The following EPAS1 variants were observed in gnomAD, a reference collection of about 807,000 sequenced individuals.
EPAS1 encodes the protein endothelial PAS domain protein 1.
In EPAS1, 23 loss-of-function variants were observed where a neutral mutation model predicts 87.9. The observed-to-expected ratio is 0.26, with a 90% confidence interval of 0.19 to 0.37. The LOEUF is 0.37. Among genes scored for constraint, EPAS1 ranks in the 10% least tolerant of loss-of-function variants. The probability of loss-of-function intolerance (pLI) is 1.00; values close to 1 mark genes in which losing one functional copy is unlikely to be tolerated. For missense variants in EPAS1, 1,138 were observed against 1,120.7 expected (o/e 1.02, Z -0.22); for synonymous variants, 508 against 444.3 (o/e 1.14, Z -1.80).
In EPAS1 at chr2:46,382,508, C is replaced by G; in HGVS notation, c.2371C>G (p.Pro791Ala). The change falls in exon 15 of 16, where the codon CCC becomes GCC. Residue 791 changes from proline (P) to alanine (A), a missense_variant. Physicochemically the swap from Pro to Ala is conservative, Grantham distance 27. Transcript: ENST00000263734. ...PLPQPPSAIS[P>A]GENSKSRFPP... ...GCCACAGCCTCCATCTGCCATCAGT[C>G]CCGGGGAGAACAGCAAGAGCAGGTT... 1 of 1,614,180 alleles carries G rather than the reference C, an allele frequency of 6.2e-7. No homozygotes were observed. Among genetic ancestry groups the G allele is most frequent in the African/African-American group, 1.3e-5 (1 of 75,056 alleles).
At chr2:46,333,398 T>C (rs1683726202) in intron 1 of EPAS1, among the ~76,000 whole-genome samples, 1 of 152,168 alleles carries the variant, frequency 6.6e-6, no homozygotes, top group African/African-American at 2.4e-5. Context: ...TAGCACAGAT[T>C]GTCTAAGTGT....
At chr2:46,320,584 T>G (rs371598937) in intron 1 of EPAS1, among the ~76,000 whole-genome samples, 1 of 152,220 alleles carries the variant, frequency 6.6e-6, no homozygotes, top group Non-Finnish European at 1.5e-5. Context: ...TTGAAGCCAC[T>G]GGGTGAACAC....
chr2:46,328,082 A>G (rs12613519), intron 1 of EPAS1, among the ~76,000 whole-genome samples: 75,256 of 152,104 alleles, frequency 0.49, 18,841 homozygotes, highest in East Asian at 0.67. Flanking sequence ...TGGTCCCCAG[A>G]GTCCATATGC....
chr2:46,382,607 G>A lies in EPAS1; in HGVS notation c.2461+9G>A, dbSNP rs1684925507. ...AGCCCACAAGGTGTCAGGTGGGTGT[G>A]CCCAGGATCTGTCACCCCCATCCCA... is the stretch of plus-strand genomic sequence containing the variant. On this transcript the variant is annotated intron_variant, in intron 15 of 15. Transcript: ENST00000263734. 3 of 1,614,016 alleles carry A rather than the reference G, an allele frequency of 1.9e-6. No individual in the cohort carries two copies. The highest frequency in any genetic ancestry group is 2.5e-6 in the Non-Finnish European group (3 of 1,180,020).
At position 46,384,555 on chromosome 2, in the gene EPAS1, G is replaced by A. The variant is rs367846993; in HGVS notation, c.2508G>A (p.Leu836=). ...GGCCCTCATTTGAGTCCTACCTGCT[G>A]CCCGAACTGACCAGATATGACTGTG... ...LLGPSFESYL[L]PELTRYDCEV... The change falls in exon 16 of 16, where the codon CTG becomes CTA. Residue 836 remains leucine (L), a synonymous_variant. Coordinates refer to ENST00000263734, the MANE Select transcript of EPAS1 (RefSeq NM_001430.5). 2.7e-5 allele frequency: 44 copies of A among 1,614,052 alleles called. No individual in the cohort carries two copies. In the Admixed American group the frequency reaches 7.2e-4, roughly 26 times the overall value.
At chr2:46,344,018 C>CTGATTATAA (rs1407032836) in intron 1 of EPAS1, among the ~76,000 whole-genome samples, 1 of 152,240 alleles carries the variant, frequency 6.6e-6, no homozygotes, top group Non-Finnish European at 1.5e-5. Flanking sequence ...TGACTATAAA[C>CTGATTATAA]CCTTAAATGG....
chr2:46,301,446 G>T (rs1175826015), intron 1 of EPAS1, among the ~76,000 whole-genome samples: 2 of 151,994 alleles, frequency 1.3e-5, no homozygotes, highest in African/African-American at 2.4e-5. Flanking sequence ...GCGTGGTGGT[G>T]GGTGCCTGTA....
At chr2:46,362,458 G>A (rs1396766800) in intron 6 of EPAS1, among the ~76,000 whole-genome samples, 2 of 152,146 alleles carry the variant, frequency 1.3e-5, no homozygotes, top group Non-Finnish European at 2.9e-5. Flanking sequence ...CACTTCTGAA[G>A]GCAGTTAGTG....
intron 1 of EPAS1, among the ~76,000 whole-genome samples, chr2:46,345,277 A>T (rs940888111): frequency 3.3e-5 from 5 of 151,484 alleles, no homozygotes; most frequent in Admixed American, 6.6e-5. Flanking sequence ...GATGCTTTTT[A>T]AAAAAATAAA....
chr2:46,377,454 G>T (rs7594278), intron 9 of EPAS1, among the ~76,000 whole-genome samples: 53,012 of 152,090 alleles, frequency 0.35, 10,989 homozygotes, highest in Non-Finnish European at 0.48. Context: ...CTTTTAGATG[G>T]GTTCTACAGC....
Position 46,329,356 on chromosome 2 carries a change from G to A in EPAS1, c.27-17517G>A, listed in dbSNP as rs182915914. 2.4e-4 allele frequency among the ~76,000 whole-genome samples: 36 copies of A among 152,246 alleles called. No individual in the cohort carries two copies. The East Asian group carries it at 6.6e-3, about 28-fold the overall frequency. On this transcript the variant is annotated intron_variant, in intron 1 of 15. Coordinates refer to ENST00000263734, the MANE Select transcript of EPAS1 (RefSeq NM_001430.5). Reference sequence around the variant, plus strand: ...TTGCAAGACAGGAGGGGAACGTGTAGGCTATCCTATTTATGGTAAGGGGAG... The same window carrying A: ...TTGCAAGACAGGAGGGGAACGTGTAAGCTATCCTATTTATGGTAAGGGGAG...
chr2:46,362,557 C>G (rs1462622672), intron 6 of EPAS1, among the ~76,000 whole-genome samples: 2 of 152,096 alleles, frequency 1.3e-5, no homozygotes, highest in Non-Finnish European at 2.9e-5. Flanking sequence ...CATGGAACCC[C>G]AGGAAAAAAA....
At position 46,328,310 on chromosome 2, in the gene EPAS1, C is replaced by T. The variant is rs1193830815; in HGVS notation, c.27-18563C>T. Among the ~76,000 whole-genome samples the T allele has an allele frequency of 2.6e-5, 4 of 152,284 alleles. No homozygotes were observed. The South Asian group carries it at 8.3e-4, about 32-fold the overall frequency. ...CGATGGCAGGTAAGACAGGTGGAGGCATTAAGTACTTCTGTCCCCATGACC... is the reference window on the plus strand; with the variant it reads ...CGATGGCAGGTAAGACAGGTGGAGGTATTAAGTACTTCTGTCCCCATGACC... On this transcript the variant is annotated intron_variant, in intron 1 of 15. Coordinates refer to ENST00000263734, the MANE Select transcript of EPAS1 (RefSeq NM_001430.5).
intron 9 of EPAS1, 41 bp from the exon 10 acceptor site, chr2:46,377,853 A>G (rs964945063): frequency 1.3e-6 from 2 of 1,551,424 alleles, no homozygotes; most frequent in Non-Finnish European, 1.7e-6. Context: ...GGTGAGCCCG[A>G]TGGTTGTGGG....
chr2:46,375,766 C>G lies in EPAS1; in HGVS notation c.963C>G (p.Thr321=), dbSNP rs1558608813. ...AKHGGYVWLE[T]QGTVIYNPRN... is the part of the protein sequence containing the mutation. ...ATGGGGGCTACGTGTGGCTGGAGAC[C>G]CAGGGGACGGTCATCTACAACCCTC... is the stretch of plus-strand genomic sequence containing the variant. Residue 321 remains threonine (T), a synonymous_variant, in exon 8 of 16, where the codon ACC becomes ACG. Coordinates refer to ENST00000263734, the MANE Select transcript of EPAS1 (RefSeq NM_001430.5). The surrounding 1 kb of genome is among the most constrained non-coding windows in gnomAD (Gnocchi z 4.1). 2 of 1,614,202 alleles carry G rather than the reference C, an allele frequency of 1.2e-6. No homozygotes were observed. Among genetic ancestry groups the G allele is most frequent in the Non-Finnish European group, 1.7e-6 (2 of 1,180,042 alleles).
At chr2:46,309,695 C>T (rs2104840863) in intron 1 of EPAS1, among the ~76,000 whole-genome samples, 1 of 152,264 alleles carries the variant, frequency 6.6e-6, no homozygotes, top group East Asian at 1.9e-4. Flanking sequence ...ACAGAGTGTG[C>T]AGGCCAGGAC....
At chr2:46,352,852 C>A (rs117237952) in intron 2 of EPAS1, among the ~76,000 whole-genome samples, 1 of 152,244 alleles carries the variant, frequency 6.6e-6, no homozygotes. Flanking sequence ...TTGCCCCTCT[C>A]CCTCCCGGAG....
At chr2:46,298,164 G>T (rs887434274) in intron 1 of EPAS1, among the ~76,000 whole-genome samples, 1 of 152,162 alleles carries the variant, frequency 6.6e-6, no homozygotes, top group Non-Finnish European at 1.5e-5. Flanking sequence ...GGATTTGCGC[G>T]CACGGCGAGG....
At chr2:46,376,418 T>G (rs910806913) in intron 8 of EPAS1, 121 bp from the exon 9 acceptor site, 8 of 912,314 alleles carry the variant, frequency 8.8e-6, no homozygotes, top group Non-Finnish European at 1.8e-6. Flanking sequence ...AAGACGCCAA[T>G]GCCTGGAGTC....
Sources: gnomAD v4.1 joint callset for allele counts (sites outside exome capture counted in the v4.1 genomes callset) on GRCh38, gnomAD v4.1.1 for gene constraint, Gnocchi (gnomAD v3.1) non-coding constraint, MANE v1.5 for transcripts, NCBI Gene and HGNC (gene_info 2026-07-23, HGNC 2026-07-21) for gene names.